Variants in SDCBP observed in about 807,000 individuals in gnomAD.
SDCBP encodes syndecan binding protein.
In SDCBP, 22 loss-of-function variants were observed where a neutral mutation model predicts 30.5. The observed-to-expected ratio is 0.72, with a 90% confidence interval of 0.52 to 1.03. The LOEUF is 1.03. Among genes scored for constraint, SDCBP ranks in the 50% least tolerant of loss-of-function variants. The probability of loss-of-function intolerance (pLI) is 0.00; values close to 1 mark genes in which losing one functional copy is unlikely to be tolerated. For missense variants in SDCBP, 304 were observed against 369.9 expected, an observed-to-expected ratio of 0.82 and a Z score of 1.46; for synonymous variants, 103 against 118.7, an observed-to-expected ratio of 0.87 and a Z score of 0.86.
Position 58,573,765 on chromosome 8 carries a change from C to T in SDCBP, c.240+1451C>T, listed in dbSNP as rs184533709. On this transcript the variant is annotated intron_variant, in intron 4 of 8. Coordinates refer to ENST00000260130, the MANE Select transcript of SDCBP (RefSeq NM_005625.4). ...GAAATTATAATTTGCACAGTTAGGC[C>T]CAGCATCACCAAGTAGAGTCTAGAA... 2.0e-3 allele frequency among the ~76,000 whole-genome samples: 301 copies of T among 152,146 alleles called. 1 individual carries two copies. Among genetic ancestry groups the T allele is most frequent in the African/African-American group, 6.8e-3 (281 of 41,498 alleles).
Position 58,570,970 on chromosome 8 carries a change from GT to G in SDCBP, c.130+8del. 1 of 1,595,242 alleles carries G rather than the reference GT, an allele frequency of 6.3e-7. No individual in the cohort carries two copies. Among genetic ancestry groups the G allele is most frequent in the South Asian group, 1.1e-5 (1 of 90,426 alleles). On this transcript the variant is annotated splice_donor_region_variant and intron_variant, in intron 3 of 8. Coordinates refer to ENST00000260130, the MANE Select transcript of SDCBP (RefSeq NM_005625.4). ...CTCCTATCCCTCACGATGGAAGTAG[GT>G]TTATACTTTGAGTTCATTCTCTGTG...
At position 58,568,407 on chromosome 8, in the gene SDCBP, A is replaced by G. The variant is rs1422904717; in HGVS notation, c.52-2480A>G. On this transcript the variant is annotated intron_variant, in intron 2 of 8. Transcript: ENST00000260130. ...AACATGCATGGAGTTGTCATTTCCA[A>G]TGGTAATAGTGCCTTCTGGAATACC... Among the ~76,000 whole-genome samples, 5 of 152,124 alleles carry G rather than the reference A, an allele frequency of 3.3e-5. 1 individual carries two copies. Among genetic ancestry groups the G allele is most frequent in the Admixed American group, 2.6e-4 (4 of 15,272 alleles).
At chr8:58,553,854 A>G (rs1803956906) in intron 1 of SDCBP, among the ~76,000 whole-genome samples, 1 of 152,066 alleles carries the variant, frequency 6.6e-6, no homozygotes, top group Non-Finnish European at 1.5e-5. Context: ...CTTTTTTGGA[A>G]GGGGGTGGGG....
At chr8:58,567,235 C>T (rs1187000089) in intron 2 of SDCBP, among the ~76,000 whole-genome samples, 2 of 152,126 alleles carry the variant, frequency 1.3e-5, no homozygotes, top group African/African-American at 4.8e-5. Flanking sequence ...TTCATTTTTA[C>T]TGCAAATAAC....
At chr8:58,577,540 G>A (rs1585709258) in intron 5 of SDCBP, among the ~76,000 whole-genome samples, 1 of 152,204 alleles carries the variant, frequency 6.6e-6, no homozygotes, top group Non-Finnish European at 1.5e-5. Context: ...AATGGGTAAA[G>A]GAATGCTTCA....
intron 3 of SDCBP, 49 bp from the exon 4 acceptor site, chr8:58,572,156 A>G: frequency 9.0e-7 from 1 of 1,115,294 alleles, no homozygotes; most frequent in East Asian, 2.4e-5. Flanking sequence ...AGAAGTTTTC[A>G]TTTTGTGTAT....
intron 5 of SDCBP, among the ~76,000 whole-genome samples, chr8:58,576,861 T>A (rs1046729647): frequency 1.3e-5 from 2 of 152,222 alleles, no homozygotes; most frequent in African/African-American, 4.8e-5. Flanking sequence ...ATAAGTGTGG[T>A]GCACTGCTGT....
intron 7 of SDCBP, among the ~76,000 whole-genome samples, chr8:58,580,142 T>C (rs1805600038): frequency 6.6e-6 from 1 of 152,226 alleles, no homozygotes; most frequent in Non-Finnish European, 1.5e-5. Flanking sequence ...TTTATTTTTA[T>C]AGTTTTTCTC....
At chr8:58,577,323 C>A (rs534937738) in intron 5 of SDCBP, among the ~76,000 whole-genome samples, 1 of 152,122 alleles carries the variant, frequency 6.6e-6, no homozygotes, top group South Asian at 2.1e-4. Flanking sequence ...TTTATACTTA[C>A]CTATTTATAT....
rs949826513 is a variant in SDCBP at position 58,581,709 on chromosome 8, G to A, written c.866G>A (p.Ser289Asn). Residue 289 changes from serine (S) to asparagine (N), a missense_variant, in exon 9 of 9, where the codon AGC becomes AAC. Ser to Asn is a conservative substitution (Grantham distance 46). Transcript: ENST00000260130. Reference protein sequence around the residue: ...IKRMAPSIMKSLMDHTIPEV With the variant: ...IKRMAPSIMKNLMDHTIPEV ...AGGATGGCACCAAGCATTATGAAAA[G>A]CCTAATGGACCACACCATTCCTGAG... is the stretch of plus-strand genomic sequence containing the variant. 7 of 1,612,442 alleles carry A rather than the reference G, an allele frequency of 4.3e-6. No individual in the cohort carries two copies. The Admixed American group carries it at 6.7e-5, about 15-fold the overall frequency.
intron 3 of SDCBP, among the ~76,000 whole-genome samples, chr8:58,571,866 G>T (rs1047058565): frequency 2.6e-5 from 4 of 152,102 alleles, no homozygotes; most frequent in Non-Finnish European, 5.9e-5. Context: ...AGAATCAGTG[G>T]CATTCTTACT....
chr8:58,559,631 A>T (rs1441734205), intron 1 of SDCBP, among the ~76,000 whole-genome samples: 1 of 151,878 alleles, frequency 6.6e-6, no homozygotes, highest in African/African-American at 2.4e-5. Flanking sequence ...TCACCATTGT[A>T]CTGGAGATTA....
At chr8:58,575,865 T>TC in intron 4 of SDCBP, 35 bp from the exon 5 acceptor site, 1 of 1,531,392 alleles carries the variant, frequency 6.5e-7, no homozygotes, top group South Asian at 1.2e-5. Flanking sequence ...GGAGAGTGTT[T>TC]CTAGATATTG....
chr8:58,556,702 G>A (rs560514271), intron 1 of SDCBP, among the ~76,000 whole-genome samples: 288 of 151,734 alleles, frequency 1.9e-3, no homozygotes, highest in African/African-American at 6.5e-3. Context: ...TATCACATAA[G>A]TATTTAAGTT....
chr8:58,575,851 TCAAGGAGAG>T, intron 4 of SDCBP, 40 bp from the exon 5 acceptor site: 1 of 1,463,502 alleles, frequency 6.8e-7, no homozygotes, highest in Non-Finnish European at 9.3e-7. Flanking sequence ...ATTGTTTTTT[TCAAGGAGAG>T]TGTTTCTAGA....
chr8:58,579,654 G>A lies in SDCBP; in HGVS notation c.610G>A (p.Asp204Asn). 1 of 1,606,924 alleles carries A rather than the reference G, an allele frequency of 6.2e-7. No homozygotes were observed. The highest frequency in any genetic ancestry group is 8.5e-7 in the Non-Finnish European group (1 of 1,177,132). Residue 204 changes from aspartate (D) to asparagine (N), a missense_variant, in exon 7 of 9, where the codon GAT (aspartate) becomes AAT (asparagine). Physicochemically the swap from Asp to Asn is conservative, Grantham distance 23. Coordinates refer to ENST00000260130, the MANE Select transcript of SDCBP (RefSeq NM_005625.4). ...PFERTITMHK[D>N]STGHVGFIFK... Reference sequence around the variant, plus strand: ...TGAACGGACGATTACCATGCATAAGGATAGCACTGGACATGTTGGTTTTAT... The same window carrying A: ...TGAACGGACGATTACCATGCATAAGAATAGCACTGGACATGTTGGTTTTAT...
At chr8:58,565,774 G>A (rs1469591932) in intron 2 of SDCBP, among the ~76,000 whole-genome samples, 1 of 152,056 alleles carries the variant, frequency 6.6e-6, no homozygotes, top group Non-Finnish European at 1.5e-5. Context: ...ATTTTAATTG[G>A]GGGTAATTTG....
At chr8:58,562,712 T>G (rs1804503674) in intron 1 of SDCBP, among the ~76,000 whole-genome samples, 1 of 152,182 alleles carries the variant, frequency 6.6e-6, no homozygotes, top group African/African-American at 2.4e-5. Context: ...ATGCAGGAAT[T>G]AAAGACATAA....
chr8:58,577,349 A>G (rs1272386898), intron 5 of SDCBP, among the ~76,000 whole-genome samples: 1 of 152,220 alleles, frequency 6.6e-6, no homozygotes, highest in Non-Finnish European at 1.5e-5. Context: ...TCAACTTCTG[A>G]TTGAGATTTT....
Sources: allele counts gnomAD v4.1 joint callset (sites outside exome capture counted in the v4.1 genomes callset), GRCh38; gene constraint gnomAD v4.1.1; transcripts MANE v1.5; gene names NCBI Gene and HGNC (gene_info 2026-07-23, HGNC 2026-07-21).